The following PRRX2 variants were observed in gnomAD, a reference collection of about 807,000 sequenced individuals.
The protein encoded by PRRX2 is paired mesoderm homeobox protein 2.
A neutral mutation model predicts 18.0 loss-of-function variants in PRRX2; 11 were observed. That is an observed-to-expected ratio of 0.61 (90% CI 0.39 to 1.01). The LOEUF is 1.01. Among genes scored for constraint, PRRX2 ranks in the 50% least tolerant of loss-of-function variants. The pLI is 0.01. For missense variants in PRRX2, 387 were observed against 351.0 expected (o/e 1.10, Z -0.82); for synonymous variants, 177 against 154.8 (o/e 1.14, Z -1.06).
chr9:129,683,500 C>G (rs953255339), intron 1 of PRRX2, among the ~76,000 whole-genome samples: 1 of 152,118 alleles, frequency 6.6e-6, no homozygotes, highest in African/African-American at 2.4e-5. Context: ...CTTTGGGAGG[C>G]CGAGGTGGGC....
At chr9:129,681,772 C>T (rs987113783) in intron 1 of PRRX2, among the ~76,000 whole-genome samples, 2 of 152,098 alleles carry the variant, frequency 1.3e-5, no homozygotes, top group Non-Finnish European at 2.9e-5. Flanking sequence ...GGATGGGAGC[C>T]CCGGTGTGGG....
chr9:129,713,615 A>G (rs1286369621), intron 1 of PRRX2, among the ~76,000 whole-genome samples: 1 of 150,330 alleles, frequency 6.7e-6, no homozygotes, highest in Non-Finnish European at 1.5e-5. Context: ...GCAGACATCG[A>G]TTTCTTCCTT....
intron 1 of PRRX2, among the ~76,000 whole-genome samples, chr9:129,689,570 A>G (rs1832334371): frequency 6.6e-6 from 1 of 151,944 alleles, no homozygotes; most frequent in African/African-American, 2.4e-5. Flanking sequence ...CTGGGCCTCA[A>G]CTCTAGGCTG....
chr9:129,680,195 A>T (rs1337818731), intron 1 of PRRX2, among the ~76,000 whole-genome samples: 1 of 152,014 alleles, frequency 6.6e-6, no homozygotes, highest in Non-Finnish European at 1.5e-5. Flanking sequence ...TGAGGTCAAG[A>T]GTTCGAGACC....
At chr9:129,707,795 A>AG in intron 1 of PRRX2, among the ~76,000 whole-genome samples, 1 of 152,104 alleles carries the variant, frequency 6.6e-6, no homozygotes, top group African/African-American at 2.4e-5. Context: ...TGTCTCAAAA[A>AG]AAAAAAAAAA....
chr9:129,668,099 G>GA (rs1832050362), intron 1 of PRRX2, among the ~76,000 whole-genome samples: 1 of 152,184 alleles, frequency 6.6e-6, no homozygotes, highest in African/African-American at 2.4e-5. Flanking sequence ...GAGAGTCCCT[G>GA]GGCTCCGCCC....
chr9:129,680,295 G>A (rs1028101479), intron 1 of PRRX2, among the ~76,000 whole-genome samples: 4 of 151,570 alleles, frequency 2.6e-5, no homozygotes, highest in Non-Finnish European at 5.9e-5. Flanking sequence ...CAACTACTCC[G>A]GAGGCTGACA....
intron 1 of PRRX2, among the ~76,000 whole-genome samples, chr9:129,691,874 G>T (rs150060850): frequency 1.3e-5 from 2 of 151,726 alleles, no homozygotes; most frequent in Non-Finnish European, 2.9e-5. Context: ...TAGGGACAGG[G>T]TGTCACTGTG....
intron 1 of PRRX2, among the ~76,000 whole-genome samples, chr9:129,690,959 T>C (rs998480948): frequency 1.3e-5 from 2 of 152,132 alleles, no homozygotes; most frequent in African/African-American, 4.8e-5. Flanking sequence ...TTGTGCCCGC[T>C]TGTCCTACTG....
intron 3 of PRRX2, among the ~76,000 whole-genome samples, chr9:129,721,362 C>G (rs552709340): frequency 3.9e-5 from 6 of 152,056 alleles, no homozygotes; most frequent in Admixed American, 2.0e-4. Context: ...CTGACATGGT[C>G]GGCAGGAGGT....
chr9:129,715,208 T>TCATCCCTCTAAAC lies in PRRX2; in HGVS notation c.260-4020_260-4008dup, dbSNP rs1564155420. ...GAAACTTCTGAACATAACCTCCTAG[T>TCATCCCTCTAAAC]CATCCCTCTAAACCAGGGTTTCTCA... is the stretch of plus-strand genomic sequence containing the variant. On this transcript the variant is annotated intron_variant, in intron 1 of 3. Transcript: ENST00000372469. The surrounding 1 kb of genome is among the most constrained non-coding windows in gnomAD (Gnocchi z 4.0). 1.3e-5 allele frequency among the ~76,000 whole-genome samples: 2 copies of TCATCCCTCTAAAC among 152,158 alleles called. No individual in the cohort carries two copies. The highest frequency in any genetic ancestry group is 2.9e-5 in the Non-Finnish European group (2 of 68,034).
intron 1 of PRRX2, among the ~76,000 whole-genome samples, chr9:129,703,645 A>C (rs1022974181): frequency 1.3e-5 from 2 of 152,112 alleles, no homozygotes; most frequent in Non-Finnish European, 2.9e-5. Context: ...TGCCAGGCGC[A>C]TAATAAAGTG....
intron 1 of PRRX2, among the ~76,000 whole-genome samples, chr9:129,706,120 A>G (rs1832554293): frequency 6.6e-6 from 1 of 152,070 alleles, no homozygotes; most frequent in African/African-American, 2.4e-5. Context: ...TATTTCGTAT[A>G]TTTCACATAC....
chr9:129,720,593 C>T lies in PRRX2; in HGVS notation c.448-3C>T. On this transcript the variant is annotated splice_polypyrimidine_tract_variant and splice_region_variant and intron_variant, in intron 2 of 3. Coordinates refer to ENST00000372469, the MANE Select transcript of PRRX2 (RefSeq NM_016307.4). ...TGCACCCTGCTCACCCTCCCACCCA[C>T]AGGTCTGGTTTCAGAACCGCCGCGC... 1 of 1,602,310 alleles carries T rather than the reference C, an allele frequency of 6.2e-7. No homozygotes were observed.
intron 1 of PRRX2, among the ~76,000 whole-genome samples, chr9:129,711,597 C>T (rs1250776044): frequency 6.6e-6 from 1 of 151,678 alleles, no homozygotes; most frequent in African/African-American, 2.4e-5. Context: ...TAGTAGAGAC[C>T]GGGGTTTCAC....
chr9:129,669,344 A>G (rs1313482409), intron 1 of PRRX2, among the ~76,000 whole-genome samples: 5 of 152,242 alleles, frequency 3.3e-5, no homozygotes, highest in African/African-American at 9.6e-5. Flanking sequence ...GGGCTGCACC[A>G]GGCACGTTAG....
intron 1 of PRRX2, among the ~76,000 whole-genome samples, chr9:129,708,234 C>T (rs570899324): frequency 6.6e-6 from 1 of 152,282 alleles, no homozygotes. Context: ...CGGAGTTTCA[C>T]CATGTTGGTC....
intron 1 of PRRX2, among the ~76,000 whole-genome samples, chr9:129,710,776 G>A (rs1375392779): frequency 1.3e-5 from 2 of 152,146 alleles, no homozygotes; most frequent in East Asian, 1.9e-4. Context: ...CCCCTTGGTC[G>A]GGGTGCTGGC....
chr9:129,721,807 C>T (rs921814749), intron 3 of PRRX2, among the ~76,000 whole-genome samples: 1 of 152,272 alleles, frequency 6.6e-6, no homozygotes, highest in South Asian at 2.1e-4. Context: ...TCTCGAACTC[C>T]TGATCTCAGG....
Sources: gnomAD v4.1 joint callset for allele counts (sites outside exome capture counted in the v4.1 genomes callset) on GRCh38, gnomAD v4.1.1 for gene constraint, Gnocchi (gnomAD v3.1) non-coding constraint, MANE v1.5 for transcripts, NCBI Gene and HGNC (gene_info 2026-07-23, HGNC 2026-07-21) for gene names.